TRPC7: variants seen among roughly 807,000 people sequenced by gnomAD.
TRPC7 encodes short transient receptor potential channel 7.
A neutral mutation model predicts 90.1 loss-of-function variants in TRPC7; 42 were observed. That is an observed-to-expected ratio of 0.47 (90% CI 0.36 to 0.60). The LOEUF (loss-of-function observed/expected upper bound fraction) is 0.60. Among genes scored for constraint, TRPC7 ranks in the 20% least tolerant of loss-of-function variants. The probability of loss-of-function intolerance (pLI) is 0.00; values close to 1 mark genes in which losing one functional copy is unlikely to be tolerated. For missense variants in TRPC7, 955 were observed against 1,112.3 expected (o/e 0.86, Z 2.01); for synonymous variants, 451 against 436.3 (o/e 1.03, Z -0.42).
intron 2 of TRPC7, among the ~76,000 whole-genome samples, chr5:136,326,567 G>A (rs1759353524): frequency 6.6e-6 from 1 of 152,130 alleles, no homozygotes; most frequent in Admixed American, 6.5e-5. Flanking sequence ...TAGCTTTTAG[G>A]AGAAGATGAG....
At chr5:136,216,334 C>T (rs760896271) in intron 10 of TRPC7, 59 bp from the exon 11 acceptor site, 10 of 1,378,978 alleles carry the variant, frequency 7.3e-6, no homozygotes, top group Non-Finnish European at 8.1e-6. Context: ...AGGCAGCCTG[C>T]GTGGTGTAGC....
rs1004100655 is a variant in TRPC7 at position 136,315,953 on chromosome 5, C to T, written c.781-174G>A. 7 of 632,176 alleles carry T rather than the reference C, an allele frequency of 1.1e-5. No individual in the cohort carries two copies. The Admixed American group carries it at 1.5e-4, about 13-fold the overall frequency. The allele number at this position is 632,176 out of a possible 1,614,324, so 39.2% of individuals were successfully genotyped here. On this transcript the variant is annotated intron_variant, in intron 2 of 11. Coordinates refer to ENST00000513104, the MANE Select transcript of TRPC7 (RefSeq NM_020389.3). Reference sequence around the variant, plus strand: ...GGGTGCAGAAGGCGGGGCAATTTCTCTTGACACGTGACCTGAAGGACATTT... The same window carrying T: ...GGGTGCAGAAGGCGGGGCAATTTCTTTTGACACGTGACCTGAAGGACATTT...
chr5:136,356,338 C>A (rs1760373882), intron 2 of TRPC7, among the ~76,000 whole-genome samples: 1 of 152,242 alleles, frequency 6.6e-6, no homozygotes, highest in African/African-American at 2.4e-5. Context: ...CATAATCCTG[C>A]CTGCACTCGC....
intron 2 of TRPC7, among the ~76,000 whole-genome samples, chr5:136,343,201 T>C (rs1468704756): frequency 6.6e-6 from 1 of 152,148 alleles, no homozygotes; most frequent in East Asian, 1.9e-4. Context: ...AAGTGGGAAA[T>C]AATTTCTTAA....
At chr5:136,230,802 G>A (rs1238866685) in intron 8 of TRPC7, among the ~76,000 whole-genome samples, 1 of 152,086 alleles carries the variant, frequency 6.6e-6, no homozygotes, top group Non-Finnish European at 1.5e-5. Flanking sequence ...ACCTCTGGAA[G>A]CTTCCCCCAT....
At chr5:136,314,723 G>A (rs1227725903) in intron 3 of TRPC7, among the ~76,000 whole-genome samples, 1 of 152,042 alleles carries the variant, frequency 6.6e-6, no homozygotes, top group East Asian at 1.9e-4. Flanking sequence ...GCCAGTCTGG[G>A]GGCTTTAAAA....
chr5:136,261,425 C>T (rs1756854798), intron 5 of TRPC7, among the ~76,000 whole-genome samples: 1 of 152,194 alleles, frequency 6.6e-6, no homozygotes, highest in Non-Finnish European at 1.5e-5. Flanking sequence ...GCTGTCAACT[C>T]CACCTTTTCT....
intron 2 of TRPC7, among the ~76,000 whole-genome samples, chr5:136,351,137 A>AT (rs929892989): frequency 8.6e-5 from 13 of 151,506 alleles, no homozygotes; most frequent in Admixed American, 2.6e-4. Flanking sequence ...TTGTATTGTG[A>AT]TTTTTTTTTC....
intron 2 of TRPC7, among the ~76,000 whole-genome samples, chr5:136,349,396 G>A (rs958620036): frequency 3.9e-5 from 6 of 152,182 alleles, no homozygotes; most frequent in South Asian, 2.1e-4. Flanking sequence ...ATTTTAAGCC[G>A]TGTTACTGGG....
rs147667210 is a variant in TRPC7 at position 136,346,597 on chromosome 5, C to G, written c.780+10011G>C. ...CACGGACACACACATTTATGAAGTTCCCATATCACTGGCTTGGTTTGTGCT... is the reference window on the plus strand; with the variant it reads ...CACGGACACACACATTTATGAAGTTGCCATATCACTGGCTTGGTTTGTGCT... On this transcript the variant is annotated intron_variant, in intron 2 of 11. Coordinates refer to ENST00000513104, the MANE Select transcript of TRPC7 (RefSeq NM_020389.3). Among the ~76,000 whole-genome samples the G allele has an allele frequency of 3.9e-5, 6 of 152,212 alleles. No homozygotes were observed. In the East Asian group the frequency reaches 1.2e-3, roughly 29 times the overall value.
chr5:136,251,147 G>A (rs1286926143), intron 6 of TRPC7, among the ~76,000 whole-genome samples: 2 of 152,140 alleles, frequency 1.3e-5, no homozygotes, highest in Non-Finnish European at 2.9e-5. Context: ...CAAACTGTAA[G>A]CCTTTGCATT....
intron 7 of TRPC7, among the ~76,000 whole-genome samples, chr5:136,243,856 G>A (rs772348395): frequency 5.9e-5 from 9 of 151,912 alleles, no homozygotes; most frequent in Admixed American, 1.3e-4. Flanking sequence ...GAACTGCCAC[G>A]GCGATAAATC....
At chr5:136,241,991 T>G (rs1756185192) in intron 7 of TRPC7, among the ~76,000 whole-genome samples, 2 of 152,230 alleles carry the variant, frequency 1.3e-5, no homozygotes, top group African/African-American at 4.8e-5. Context: ...CAGAAAGTCT[T>G]CACTTTATGG....
intron 2 of TRPC7, among the ~76,000 whole-genome samples, chr5:136,338,691 G>A (rs958669477): frequency 1.3e-5 from 2 of 152,212 alleles, no homozygotes; most frequent in Admixed American, 1.3e-4. Flanking sequence ...TTTATGGCTT[G>A]TTGCATCTGA....
chr5:136,251,598 C>A, intron 6 of TRPC7, 51 bp downstream of exon 6: 1 of 1,420,912 alleles, frequency 7.0e-7, no homozygotes, highest in Non-Finnish European at 9.7e-7. Context: ...AGCACCAGGC[C>A]CACGTCCCGG....
intron 1 of TRPC7, among the ~76,000 whole-genome samples, chr5:136,363,525 T>A (rs925840504): frequency 4.6e-5 from 7 of 152,162 alleles, no homozygotes; most frequent in African/African-American, 1.7e-4. Flanking sequence ...ATACACGAGT[T>A]CATACATTTC....
At chr5:136,334,948 G>A (rs533157736) in intron 2 of TRPC7, among the ~76,000 whole-genome samples, 56 of 152,258 alleles carry the variant, frequency 3.7e-4, no homozygotes, top group African/African-American at 1.3e-3. Flanking sequence ...GGTCACTGTA[G>A]CAATTTTCTA....
At chr5:136,219,389 G>T (rs1300687851) in intron 10 of TRPC7, among the ~76,000 whole-genome samples, 4 of 152,226 alleles carry the variant, frequency 2.6e-5, no homozygotes, top group African/African-American at 9.6e-5. Context: ...GGACACTTTA[G>T]CCTTCCTCCT....
intron 1 of TRPC7, among the ~76,000 whole-genome samples, chr5:136,363,299 T>C (rs925380363): frequency 8.5e-5 from 13 of 152,144 alleles, no homozygotes; most frequent in Admixed American, 4.6e-4. Flanking sequence ...TCTGTTGAAA[T>C]TGAGGTGAGA....
Sources: gnomAD v4.1 joint callset for allele counts (sites outside exome capture counted in the v4.1 genomes callset) on GRCh38, gnomAD v4.1.1 for gene constraint, MANE v1.5 for transcripts, NCBI Gene and HGNC (gene_info 2026-07-23, HGNC 2026-07-21) for gene names.